Variants in AHCY observed in about 807,000 individuals in gnomAD.
AHCY encodes adenosylhomocysteinase, also known as S-adenosyl-L-homocysteine hydrolase.
A neutral mutation model predicts 45.4 loss-of-function variants in AHCY; 24 were observed. The observed-to-expected ratio is 0.53, with a 90% CI of 0.38 to 0.74. AHCY has a LOEUF of 0.74. Among genes scored for constraint, AHCY ranks in the 30% least tolerant of loss-of-function variants. The pLI is 0.00. For synonymous variants in AHCY, 245 were observed against 235.1 expected, an observed-to-expected ratio of 1.04 and a Z score of -0.39; for missense variants, 449 against 594.1, an observed-to-expected ratio of 0.76 and a Z score of 2.54.
At chr20:34,265,383 G>T in the AHCY span, among the ~76,000 whole-genome samples, 1 of 152,070 alleles carries the variant, frequency 6.6e-6, no homozygotes, top group Admixed American at 6.6e-5. Context: ...AATTAACTGG[G>T]TGTGGTGGTG....
chr20:34,233,297 A>C, the AHCY span, among the ~76,000 whole-genome samples: 1 of 151,698 alleles, frequency 6.6e-6, no homozygotes, highest in Non-Finnish European at 1.5e-5. Flanking sequence ...ACAGGCACCC[A>C]CCACCATGCC....
intron 1 of AHCY, chr20:34,301,735 T>C: frequency 1.2e-6 from 1 of 848,376 alleles, no homozygotes; most frequent in Non-Finnish European, 1.4e-6. Flanking sequence ...CCAGCTCTAC[T>C]ATTGATGTGA....
chr20:34,277,754 CAAAAAAAAAAAAA>C (rs59920283), downstream of AHCY, among the ~76,000 whole-genome samples: 1 of 39,724 alleles, frequency 2.5e-5, no homozygotes. Context: ...GACTCCATCT[CAAAAAAAAAAAAA>C]AAAAAAAAAA....
At chr20:34,303,214 C>G in intron 1 of AHCY, 29 bp downstream of exon 1, 1 of 1,551,114 alleles carries the variant, frequency 6.4e-7, no homozygotes, top group South Asian at 1.2e-5. Context: ...GCCGGGCGGC[C>G]GCAACCGGCT....
chr20:34,302,887 G>A (rs922530318), intron 1 of AHCY: 42 of 985,346 alleles, frequency 4.3e-5, no homozygotes, highest in Non-Finnish European at 4.7e-5. Flanking sequence ...TCCGGTCCAG[G>A]CCTAGGAGGC....
chr20:34,276,610 T>C (rs1170873572), downstream of AHCY, among the ~76,000 whole-genome samples: 1 of 152,056 alleles, frequency 6.6e-6, no homozygotes, highest in African/African-American at 2.4e-5. Context: ...CGGGGGTCTT[T>C]AGAACCCTTG....
At chr20:34,287,831 C>T (rs1442104250) in intron 8 of AHCY, among the ~76,000 whole-genome samples, 4 of 152,122 alleles carry the variant, frequency 2.6e-5, no homozygotes, top group South Asian at 2.1e-4. Context: ...CAATTATGGC[C>T]TGAGTACAGA....
the AHCY span, among the ~76,000 whole-genome samples, chr20:34,242,748 A>T: frequency 2.0e-5 from 3 of 152,338 alleles, no homozygotes; most frequent in African/African-American, 7.2e-5. Context: ...TCTGCAGAAA[A>T]TTTCATCTCA....
chr20:34,289,303 AGCTGGGATTGCAGGT>A (rs1419420449), intron 8 of AHCY, among the ~76,000 whole-genome samples: 1 of 152,076 alleles, frequency 6.6e-6, no homozygotes, highest in Non-Finnish European at 1.5e-5. Context: ...CCTCCCAAGT[AGCTGGGATTGCAGGT>A]GCACATCACC....
At chr20:34,257,072 T>C in the AHCY span, among the ~76,000 whole-genome samples, 10 of 149,520 alleles carry the variant, frequency 6.7e-5, no homozygotes, top group Non-Finnish European at 1.5e-4. Flanking sequence ...TTCTTTCTCT[T>C]TTTTTTTTTT....
At chr20:34,302,377 C>T (rs2036805898) in intron 1 of AHCY, 1 of 159,216 alleles carries the variant, frequency 6.3e-6, no homozygotes, top group Non-Finnish European at 1.3e-5. Context: ...AGGATTGTTC[C>T]GCGTGTATTC....
upstream of AHCY, chr20:34,303,463 C>A: frequency 1.3e-6 from 1 of 792,352 alleles, no homozygotes; most frequent in Non-Finnish European, 2.1e-6. Flanking sequence ...GGATTTCGAT[C>A]CCTGAAAAGA....
chr20:34,291,732 G>T (rs2036401851), intron 4 of AHCY, among the ~76,000 whole-genome samples: 1 of 152,144 alleles, frequency 6.6e-6, no homozygotes, highest in Non-Finnish European at 1.5e-5. Flanking sequence ...CAGGCCTAGT[G>T]ACTCTGCCTC....
chr20:34,300,079 G>A (rs2036719043), intron 1 of AHCY, among the ~76,000 whole-genome samples: 1 of 152,154 alleles, frequency 6.6e-6, no homozygotes, highest in African/African-American at 2.4e-5. Context: ...CACCTACTCA[G>A]GAGGCTGAGG....
chr20:34,297,867 G>A (rs1051526490), intron 1 of AHCY, among the ~76,000 whole-genome samples: 2 of 152,116 alleles, frequency 1.3e-5, no homozygotes, highest in Non-Finnish European at 2.9e-5. Context: ...GAATGGGCGC[G>A]GTGGCTCACA....
the AHCY span, among the ~76,000 whole-genome samples, chr20:34,272,396 C>T: frequency 2.9e-3 from 438 of 152,332 alleles, 1 homozygote; most frequent in African/African-American, 9.6e-3. Flanking sequence ...AGCTAGGTGT[C>T]CTCCAATTCA....
chr20:34,236,660 A>G, the AHCY span, among the ~76,000 whole-genome samples: 6 of 152,172 alleles, frequency 3.9e-5, no homozygotes, highest in African/African-American at 7.2e-5. Context: ...AAACCAGCCT[A>G]GGCAAGATGG....
intron 1 of AHCY, chr20:34,302,987 T>C: frequency 1.0e-6 from 1 of 985,422 alleles, no homozygotes; most frequent in Non-Finnish European, 1.2e-6. Context: ...CGCCGCCAGT[T>C]TGCGGCTCGC....
Position 34,290,664 on chromosome 20 carries a change from C to G in AHCY, c.767-26G>C. ...CTGTGCAGAGACAGTGGCTGTGGGT[C>G]ATCTACGGTGGCCTTGCCCCTCCCT... is the stretch of plus-strand genomic sequence containing the variant. On this transcript the variant is annotated intron_variant, in intron 6 of 9. Coordinates refer to ENST00000217426, the MANE Select transcript of AHCY (RefSeq NM_000687.4). The surrounding 1 kb of genome is among the most constrained non-coding windows in gnomAD (Gnocchi z 4.5). 6.2e-7 allele frequency: 1 copy of G among 1,614,010 alleles called. No homozygotes were observed. Among genetic ancestry groups the G allele is most frequent in the South Asian group, 1.1e-5 (1 of 91,048 alleles).
Sources: allele counts gnomAD v4.1 joint callset (sites outside exome capture counted in the v4.1 genomes callset), GRCh38; gene constraint gnomAD v4.1.1; non-coding constraint Gnocchi (gnomAD v3.1); transcripts MANE v1.5; gene names NCBI Gene and HGNC (gene_info 2026-07-23, HGNC 2026-07-21).